Variants in MACROD2 observed in about 807,000 individuals in gnomAD.
MACROD2 encodes the protein ADP-ribose glycohydrolase MACROD2.
Under a neutral mutation model 70.4 loss-of-function variants are expected in MACROD2, and 36 were observed. The observed-to-expected ratio is 0.51, with a 90% CI of 0.39 to 0.68. MACROD2 has a LOEUF of 0.68. MACROD2 is among the 30% of genes least tolerant of loss of function. The probability of loss-of-function intolerance (pLI) is 0.00; values close to 1 mark genes in which losing one functional copy is unlikely to be tolerated. For missense variants in MACROD2, 496 were observed against 538.4 expected (o/e 0.92, Z 0.78); for synonymous variants, 172 against 178.8 (o/e 0.96, Z 0.30).
At chr20:15,095,813 A>T (rs1185859334) in intron 5 of MACROD2, among the ~76,000 whole-genome samples, 1 of 152,016 alleles carries the variant, frequency 6.6e-6, no homozygotes, top group Non-Finnish European at 1.5e-5. Flanking sequence ...CACCGTGCCC[A>T]GCCAGAAAGG....
At chr20:14,928,264 A>T (rs2074257304) in intron 5 of MACROD2, among the ~76,000 whole-genome samples, 1 of 152,248 alleles carries the variant, frequency 6.6e-6, no homozygotes, top group East Asian at 1.9e-4. Flanking sequence ...TCACGGGTTC[A>T]TATCGTTTGT....
At chr20:14,275,740 A>T (rs1397076268) in intron 3 of MACROD2, among the ~76,000 whole-genome samples, 2 of 152,208 alleles carry the variant, frequency 1.3e-5, no homozygotes, top group Non-Finnish European at 2.9e-5. Context: ...CATCTGACAA[A>T]GGGCTAATAT....
intron 8 of MACROD2, among the ~76,000 whole-genome samples, chr20:15,858,119 G>GA (rs11087149): frequency 0.62 from 93,030 of 150,286 alleles, 29,351 homozygotes; most frequent in Middle Eastern, 0.75. Flanking sequence ...TGGGCCTTGG[G>GA]AAAAAAAAAA....
At chr20:15,438,540 A>C (rs2046456861) in intron 7 of MACROD2, among the ~76,000 whole-genome samples, 1 of 152,034 alleles carries the variant, frequency 6.6e-6, no homozygotes, top group African/African-American at 2.4e-5. Context: ...TGTTTATCTC[A>C]TGTAAATTTG....
chr20:15,115,001 A>G (rs558280049), intron 5 of MACROD2, among the ~76,000 whole-genome samples: 1 of 152,226 alleles, frequency 6.6e-6, no homozygotes, highest in South Asian at 2.1e-4. Context: ...CTTGCTACCA[A>G]TTCTCCTAGA....
intron 5 of MACROD2, among the ~76,000 whole-genome samples, chr20:14,890,618 C>G (rs911274060): frequency 1.3e-5 from 2 of 151,658 alleles, no homozygotes; most frequent in Non-Finnish European, 2.9e-5. Context: ...AAAAAATAGC[C>G]AGGCATGGTG....
chr20:15,529,488 C>G (rs1233740), intron 8 of MACROD2, among the ~76,000 whole-genome samples: 148,590 of 152,210 alleles, frequency 0.98, 72,547 homozygotes, highest in East Asian at 1. Context: ...AATTAAACGT[C>G]TATGTAAAGA....
At chr20:15,256,907 C>G (rs745440007) in intron 6 of MACROD2, among the ~76,000 whole-genome samples, 3 of 151,514 alleles carry the variant, frequency 2.0e-5, no homozygotes, top group African/African-American at 4.8e-5. Flanking sequence ...GGCAGCTGGC[C>G]CAGAAAAAGA....
chr20:14,471,065 G>A (rs1393687529), intron 3 of MACROD2, among the ~76,000 whole-genome samples: 1 of 152,154 alleles, frequency 6.6e-6, no homozygotes, highest in African/African-American at 2.4e-5. Context: ...GGCACCTGAG[G>A]GAATCTCCTG....
chr20:15,344,759 G>A (rs1600269039), intron 6 of MACROD2, among the ~76,000 whole-genome samples: 1 of 152,172 alleles, frequency 6.6e-6, no homozygotes, highest in East Asian at 1.9e-4. Context: ...TGTAGAATTA[G>A]TGACTAGAAG....
chr20:14,774,938 A>G (rs962710029), intron 5 of MACROD2, among the ~76,000 whole-genome samples: 2 of 152,108 alleles, frequency 1.3e-5, no homozygotes, highest in Admixed American at 1.3e-4. Flanking sequence ...TGTTTTAGAA[A>G]ACTACCACAA....
At chr20:14,208,609 T>C (rs2081545065) in intron 3 of MACROD2, among the ~76,000 whole-genome samples, 1 of 152,048 alleles carries the variant, frequency 6.6e-6, no homozygotes, top group African/African-American at 2.4e-5. Flanking sequence ...CACTGTAGAG[T>C]TTCCTATAGC....
intron 3 of MACROD2, among the ~76,000 whole-genome samples, chr20:14,399,724 G>T (rs190794176): frequency 3.9e-5 from 6 of 152,180 alleles, no homozygotes; most frequent in Admixed American, 6.5e-5. Flanking sequence ...GTTTAAAATT[G>T]TCTTACAGCT....
chr20:14,430,793 T>A (rs1002986305), intron 3 of MACROD2, among the ~76,000 whole-genome samples: 1 of 152,110 alleles, frequency 6.6e-6, no homozygotes, highest in African/African-American at 2.4e-5. Context: ...CAGTGTTGTG[T>A]TAGACTTCAA....
At chr20:15,570,725 G>C (rs961453679) in intron 8 of MACROD2, among the ~76,000 whole-genome samples, 1 of 152,132 alleles carries the variant, frequency 6.6e-6, no homozygotes, top group South Asian at 2.1e-4. Flanking sequence ...AGAAGTATTA[G>C]AATCCTTTCT....
intron 6 of MACROD2, among the ~76,000 whole-genome samples, chr20:15,289,036 G>A (rs1244175047): frequency 6.6e-6 from 1 of 152,152 alleles, no homozygotes; most frequent in Non-Finnish European, 1.5e-5. Context: ...GTTCATCTAT[G>A]AAGCTAGGAA....
At chr20:15,919,400 T>C (rs2147285426) in intron 10 of MACROD2, among the ~76,000 whole-genome samples, 1 of 152,342 alleles carries the variant, frequency 6.6e-6, no homozygotes, top group African/African-American at 2.4e-5. Flanking sequence ...AGAAAATTTT[T>C]TTCCTAGTCC....
rs541509243 is a variant in MACROD2, at chr20:14,478,525, T to G, written c.272-14954T>G. 9.8e-5 allele frequency among the ~76,000 whole-genome samples: 15 copies of G among 152,300 alleles called. 1 individual carries two copies. Among genetic ancestry groups the G allele is most frequent in the African/African-American group, 2.6e-4 (11 of 41,580 alleles). ...TTATAGCATGGATTTTTTAAAAAAT[T>G]TATCTTATTTGTCTTATCTTATTTG... On this transcript the variant is annotated intron_variant, in intron 3 of 17. Transcript: ENST00000684519.
At chr20:14,248,440 G>T (rs576098148) in intron 3 of MACROD2, among the ~76,000 whole-genome samples, 141 of 152,182 alleles carry the variant, frequency 9.3e-4, no homozygotes, top group African/African-American at 3.3e-3. Context: ...AAAATTAGCC[G>T]GGTGTGGTGG....
Sources: gnomAD v4.1 joint callset for allele counts (sites outside exome capture counted in the v4.1 genomes callset) on GRCh38, gnomAD v4.1.1 for gene constraint, MANE v1.5 for transcripts, NCBI Gene and HGNC (gene_info 2026-07-23, HGNC 2026-07-21) for gene names.